The following USP10 variants were observed in gnomAD, a reference collection of about 807,000 sequenced individuals.
USP10 encodes ubiquitin specific peptidase 10, also known as ubiquitin carboxyl-terminal hydrolase 10.
USP10 carries 22 observed loss-of-function variants against 84.5 expected under a neutral mutation model. That is an observed-to-expected ratio of 0.26 (90% CI 0.19 to 0.37). USP10 has a LOEUF of 0.37. USP10 is among the 10% of genes least tolerant of loss of function. The pLI is 1.00. For missense variants in USP10, 1,019 were observed against 998.9 expected (o/e 1.02, Z -0.27); for synonymous variants, 454 against 387.6 (o/e 1.17, Z -2.01).
chr16:84,702,597 GT>G (rs1291675936), intron 1 of USP10, among the ~76,000 whole-genome samples: 1 of 152,092 alleles, frequency 6.6e-6, no homozygotes, highest in East Asian at 1.9e-4. Context: ...ACTTGTTTAT[GT>G]TGGGAATAAC....
intron 4 of USP10, among the ~76,000 whole-genome samples, chr16:84,750,252 A>T (rs1315461146): frequency 6.6e-6 from 1 of 152,056 alleles, no homozygotes; most frequent in Admixed American, 6.5e-5. Flanking sequence ...TACTAAAAAT[A>T]AAAAAATTAG....
In USP10 at chr16:84,744,758, G is replaced by C; in HGVS notation, c.277G>C (p.Gly93Arg). The change falls in exon 4 of 14, where the codon GGT becomes CGT. Residue 93 changes from glycine to arginine, a missense_variant. By Grantham distance (125) the Gly-to-Arg change is moderately radical. Coordinates refer to ENST00000219473, the MANE Select transcript of USP10 (RefSeq NM_005153.3). ...CCCTCAGGCCCCTGAATTTATTCTC[G>C]GTTGTACAGCTTCCAAAATAACCCC... ...LNPQAPEFIL[G>R]CTASKITPDG... 3 of 1,613,656 alleles carry C rather than the reference G, an allele frequency of 1.9e-6. No homozygotes were observed. The highest frequency in any genetic ancestry group is 2.2e-5 in the South Asian group (2 of 91,052).
At position 84,745,259 on chromosome 16, in the gene USP10, G is replaced by A. The variant is rs765165839; in HGVS notation, c.778G>A (p.Gly260Ser). ...FGQSCFPAEAGRDTLSRTAGA... is the reference protein window; with the variant it reads ...FGQSCFPAEASRDTLSRTAGA... Reference sequence around the variant, plus strand: ...TCAGTCCTGCTTCCCTGCAGAGGCTGGCAGAGACACCCTGTCAAGGACAGC... The same window carrying A: ...TCAGTCCTGCTTCCCTGCAGAGGCTAGCAGAGACACCCTGTCAAGGACAGC... The change falls in exon 4 of 14, where the codon GGC (glycine) becomes AGC (serine). Residue 260 changes from glycine (G) to serine (S), a missense_variant. By Grantham distance (56) the Gly-to-Ser change is moderately conservative (BLOSUM62 0). This residue lies in a region of USP10 where 787 missense variants were observed against 708.8 expected (regional missense o/e 1.11). Coordinates refer to ENST00000219473, the MANE Select transcript of USP10 (RefSeq NM_005153.3). 1 of 1,613,474 alleles carries A rather than the reference G, an allele frequency of 6.2e-7. No individual in the cohort carries two copies. The highest frequency in any genetic ancestry group is 1.3e-5 in the African/African-American group (1 of 75,054).
At chr16:84,734,171 T>A (rs944087538) in intron 2 of USP10, among the ~76,000 whole-genome samples, 1 of 152,182 alleles carries the variant, frequency 6.6e-6, no homozygotes, top group African/African-American at 2.4e-5. Context: ...GGACCGAGCC[T>A]CTTTAGTTTC....
chr16:84,770,799 G>C (rs1246163180), intron 11 of USP10, among the ~76,000 whole-genome samples: 2 of 151,528 alleles, frequency 1.3e-5, no homozygotes, highest in African/African-American at 2.4e-5. Flanking sequence ...AATCTCCAGT[G>C]GCTGATGCCT....
At chr16:84,775,247 T>A (rs1914877179) in intron 13 of USP10, 22 bp downstream of exon 13, 1 of 1,609,126 alleles carries the variant, frequency 6.2e-7, no homozygotes, top group Admixed American at 1.7e-5. Context: ...TGTACGACAT[T>A]ACTTCTTCAT....
At chr16:84,749,423 A>G (rs868806309) in intron 4 of USP10, among the ~76,000 whole-genome samples, 1 of 152,240 alleles carries the variant, frequency 6.6e-6, no homozygotes, top group East Asian at 1.9e-4. Context: ...TGTGTTATTA[A>G]CTTTTGGGAA....
At chr16:84,723,875 AG>A (rs761140141) in intron 1 of USP10, among the ~76,000 whole-genome samples, 59 of 152,322 alleles carry the variant, frequency 3.9e-4, no homozygotes, top group Non-Finnish European at 7.8e-4. Flanking sequence ...GCCCCCTTGC[AG>A]CCTCTTCTTT....
At chr16:84,721,909 G>A (rs180690308) in intron 1 of USP10, among the ~76,000 whole-genome samples, 1 of 152,322 alleles carries the variant, frequency 6.6e-6, no homozygotes, top group Admixed American at 6.5e-5. Flanking sequence ...TGTTGCCTAG[G>A]CTGATCTTGA....
intron 4 of USP10, among the ~76,000 whole-genome samples, chr16:84,751,130 G>C (rs867405336): frequency 6.6e-6 from 1 of 152,214 alleles, no homozygotes; most frequent in Non-Finnish European, 1.5e-5. Context: ...TGACCAGTGA[G>C]TTGTGTTACA....
chr16:84,748,620 C>G (rs529044129), intron 4 of USP10, among the ~76,000 whole-genome samples: 1 of 152,102 alleles, frequency 6.6e-6, no homozygotes, highest in Non-Finnish European at 1.5e-5. Context: ...ATTATAGTTT[C>G]GTTTCTAAAA....
chr16:84,735,718 T>C (rs1909847839), intron 2 of USP10, among the ~76,000 whole-genome samples: 1 of 152,168 alleles, frequency 6.6e-6, no homozygotes, highest in South Asian at 2.1e-4. Flanking sequence ...GAAAATGAGC[T>C]CAAGCTTCAG....
Position 84,773,768 on chromosome 16 carries a change from C to T in USP10, c.2143+1083C>T, listed in dbSNP as rs141699404. Among the ~76,000 whole-genome samples, 11 of 152,268 alleles carry T rather than the reference C, an allele frequency of 7.2e-5. No homozygotes were observed. The South Asian group carries it at 1.2e-3, about 17-fold the overall frequency. On this transcript the variant is annotated intron_variant, in intron 12 of 13. Transcript: ENST00000219473. ...CTCCTCCCCATTTTATTCTATCCAT[C>T]GGGAAACCTGGAATGCCGGCTAAGT...
chr16:84,701,681 G>C (rs1904876651), intron 1 of USP10, among the ~76,000 whole-genome samples: 1 of 152,164 alleles, frequency 6.6e-6, no homozygotes, highest in Non-Finnish European at 1.5e-5. Flanking sequence ...TGATTGAAAT[G>C]TTAATTAATG....
intron 10 of USP10, among the ~76,000 whole-genome samples, 178 bp from the exon 11 acceptor site, chr16:84,768,015 C>G (rs1415091101): frequency 1.3e-5 from 2 of 152,044 alleles, no homozygotes; most frequent in Non-Finnish European, 2.9e-5. Context: ...ATCTGTTTAA[C>G]AAAGCACATC....
Position 84,722,825 on chromosome 16 carries a change from G to A in USP10, c.22-10610G>A, listed in dbSNP as rs141582794. Among the ~76,000 whole-genome samples, 630 of 152,202 alleles carry A rather than the reference G, an allele frequency of 4.1e-3. 8 individuals carry two copies. The highest frequency in any genetic ancestry group is 0.014 in the African/African-American group (596 of 41,508). ...TCCGCCTCGGCCTCCCAAAGTGCTG[G>A]GATTACAGGTGTGAGCCACTGCGTC... On this transcript the variant is annotated intron_variant, in intron 1 of 13. Coordinates refer to ENST00000219473, the MANE Select transcript of USP10 (RefSeq NM_005153.3).
At chr16:84,754,714 C>G (rs1188752711) in intron 4 of USP10, among the ~76,000 whole-genome samples, 1 of 152,166 alleles carries the variant, frequency 6.6e-6, no homozygotes, top group Non-Finnish European at 1.5e-5. Context: ...CTGACTAGTT[C>G]ATGCTGTCTC....
chr16:84,717,536 T>C (rs1410782246), intron 1 of USP10, among the ~76,000 whole-genome samples: 1 of 152,202 alleles, frequency 6.6e-6, no homozygotes, highest in Non-Finnish European at 1.5e-5. Context: ...TCGATTTAGC[T>C]TGGTGACAAG....
At chr16:84,774,552 C>G (rs1452178042) in intron 12 of USP10, among the ~76,000 whole-genome samples, 1 of 150,892 alleles carries the variant, frequency 6.6e-6, no homozygotes, top group African/African-American at 2.4e-5. Flanking sequence ...CTCGCTGCAA[C>G]CTCTGCCTCC....
Sources: gnomAD v4.1 joint callset for allele counts (sites outside exome capture counted in the v4.1 genomes callset) on GRCh38, gnomAD v4.1.1 for gene constraint, gnomAD v4.1.1 regional missense constraint, MANE v1.5 for transcripts, NCBI Gene and HGNC (gene_info 2026-07-23, HGNC 2026-07-21) for gene names.